The following SLC24A2 variants were observed in gnomAD, a reference collection of about 807,000 sequenced individuals.
SLC24A2 encodes sodium/potassium/calcium exchanger 2.
A neutral mutation model predicts 62.0 loss-of-function variants in SLC24A2; 36 were observed. That is an observed-to-expected ratio of 0.58 (90% CI 0.44 to 0.77). The LOEUF (loss-of-function observed/expected upper bound fraction) is 0.77. Among genes scored for constraint, SLC24A2 ranks in the 30% least tolerant of loss-of-function variants. The probability of loss-of-function intolerance (pLI) is 0.00; values close to 1 mark genes in which losing one functional copy is unlikely to be tolerated. For missense variants in SLC24A2, 846 were observed against 817.9 expected (o/e 1.03, Z -0.42); for synonymous variants, 358 against 294.0 (o/e 1.22, Z -2.23).
At chr9:19,679,991 T>C (rs774484111) in intron 2 of SLC24A2, among the ~76,000 whole-genome samples, 3 of 152,132 alleles carry the variant, frequency 2.0e-5, no homozygotes, top group Non-Finnish European at 4.4e-5. Context: ...TAACTGGTCA[T>C]TGCAAATGCA....
the SLC24A2 span, among the ~76,000 whole-genome samples, chr9:19,914,715 A>G: frequency 6.6e-6 from 1 of 152,072 alleles, no homozygotes; most frequent in Non-Finnish European, 1.5e-5. Context: ...TAACAAAGTT[A>G]TCTCGTTTGA....
At chr9:19,891,492 G>A in the SLC24A2 span, among the ~76,000 whole-genome samples, 23 of 152,342 alleles carry the variant, frequency 1.5e-4, no homozygotes, top group Non-Finnish European at 3.1e-4. Context: ...GCTTTAGGAA[G>A]CTTCCACTTG....
the SLC24A2 span, among the ~76,000 whole-genome samples, chr9:20,172,564 T>G: frequency 6.6e-6 from 1 of 152,072 alleles, no homozygotes; most frequent in Non-Finnish European, 1.5e-5. Flanking sequence ...AAGGCTACTA[T>G]GAACATCTTT....
the SLC24A2 span, among the ~76,000 whole-genome samples, chr9:19,905,012 T>C: frequency 1.5e-3 from 232 of 152,300 alleles, 3 homozygotes; most frequent in East Asian, 0.038. Context: ...GTATAATATA[T>C]AGCAAGTCTT....
chr9:19,542,603 C>T (rs190950466), intron 8 of SLC24A2, among the ~76,000 whole-genome samples: 6 of 152,204 alleles, frequency 3.9e-5, no homozygotes, highest in South Asian at 2.1e-4. Flanking sequence ...TATTGAGATA[C>T]GTTCAATCAG....
chr9:19,710,702 C>G (rs1376962661), intron 2 of SLC24A2, among the ~76,000 whole-genome samples: 1 of 152,140 alleles, frequency 6.6e-6, no homozygotes, highest in Admixed American at 6.5e-5. Context: ...GGAAGTTTCA[C>G]TTCATCCAAA....
the SLC24A2 span, among the ~76,000 whole-genome samples, chr9:20,058,338 C>A: frequency 6.6e-6 from 1 of 152,048 alleles, no homozygotes; most frequent in African/African-American, 2.4e-5. Flanking sequence ...GAAAACATAA[C>A]CCTAATTTAT....
chr9:20,227,120 G>A, the SLC24A2 span, among the ~76,000 whole-genome samples: 1 of 152,102 alleles, frequency 6.6e-6, no homozygotes, highest in Non-Finnish European at 1.5e-5. Context: ...CGTTGGCTCT[G>A]AATGGCCTTG....
At chr9:19,607,627 G>A (rs1233190962) in intron 4 of SLC24A2, among the ~76,000 whole-genome samples, 5 of 150,834 alleles carry the variant, frequency 3.3e-5, no homozygotes, top group Non-Finnish European at 5.9e-5. Flanking sequence ...GCTGAGGCAG[G>A]AGACTCGCTT....
the SLC24A2 span, among the ~76,000 whole-genome samples, chr9:20,018,725 CTGAT>C: frequency 1.2e-4 from 18 of 152,094 alleles, no homozygotes; most frequent in Non-Finnish European, 4.4e-5. Context: ...TTACCATCCC[CTGAT>C]TGAGGTAGGT....
chr9:19,556,238 C>T (rs911389151), intron 7 of SLC24A2, among the ~76,000 whole-genome samples: 2 of 152,214 alleles, frequency 1.3e-5, no homozygotes, highest in African/African-American at 4.8e-5. Context: ...GTACATCTTA[C>T]ACTTTTTCCA....
the SLC24A2 span, among the ~76,000 whole-genome samples, chr9:20,039,625 C>T: frequency 2.0e-5 from 3 of 152,158 alleles, no homozygotes; most frequent in South Asian, 4.2e-4. Flanking sequence ...CATGTTTCCA[C>T]TCCCCAGGGG....
intron 2 of SLC24A2, among the ~76,000 whole-genome samples, chr9:19,681,483 T>A (rs1819721242): frequency 6.6e-6 from 1 of 152,180 alleles, no homozygotes; most frequent in East Asian, 1.9e-4. Flanking sequence ...CAGAATGTAA[T>A]CTCCACAAGG....
At chr9:20,099,870 T>C in the SLC24A2 span, among the ~76,000 whole-genome samples, 2 of 152,130 alleles carry the variant, frequency 1.3e-5, no homozygotes, top group African/African-American at 2.4e-5. Context: ...TACTGAAATA[T>C]GCCCAAATCC....
the SLC24A2 span, among the ~76,000 whole-genome samples, chr9:19,832,708 A>G: frequency 6.6e-6 from 1 of 152,212 alleles, no homozygotes; most frequent in African/African-American, 2.4e-5. Flanking sequence ...AAAACACCAA[A>G]AGCAATGGCA....
At chr9:19,876,005 C>G in the SLC24A2 span, among the ~76,000 whole-genome samples, 1 of 152,162 alleles carries the variant, frequency 6.6e-6, no homozygotes, top group East Asian at 1.9e-4. Context: ...TAGTAGAATA[C>G]CAACACTTTC....
At chr9:20,072,726 T>C in the SLC24A2 span, among the ~76,000 whole-genome samples, 1 of 151,826 alleles carries the variant, frequency 6.6e-6, no homozygotes, top group African/African-American at 2.4e-5. Context: ...ATGATATAAG[T>C]AGAGAGTAGA....
chr9:19,556,251 TGAATTTGGTATA>T (rs1368181540), intron 7 of SLC24A2, among the ~76,000 whole-genome samples: 1 of 152,216 alleles, frequency 6.6e-6, no homozygotes, highest in African/African-American at 2.4e-5. Context: ...TTTTTCCATT[TGAATTTGGTATA>T]GAAGTTTGCC....
At chr9:19,543,615 G>A (rs1386465814) in intron 8 of SLC24A2, among the ~76,000 whole-genome samples, 2 of 152,108 alleles carry the variant, frequency 1.3e-5, no homozygotes, top group Non-Finnish European at 2.9e-5. Context: ...GTGTCCCAGA[G>A]ATTGTACGTT....
Sources: allele counts gnomAD v4.1 joint callset (sites outside exome capture counted in the v4.1 genomes callset), GRCh38; gene constraint gnomAD v4.1.1; transcripts MANE v1.5; gene names NCBI Gene and HGNC (gene_info 2026-07-23, HGNC 2026-07-21).